SLC7A14: variants seen among roughly 807,000 people sequenced by gnomAD.
SLC7A14 encodes the protein gamma-aminobutyric acid transporter SLC7A14.
In SLC7A14, 37 loss-of-function variants were observed where a neutral mutation model predicts 60.2. That is an observed-to-expected ratio of 0.61 (90% confidence interval 0.47 to 0.81). The LOEUF (loss-of-function observed/expected upper bound fraction) is 0.81, where lower values mean the gene tolerates loss of function less well. SLC7A14 is among the 30% of genes least tolerant of loss of function. The pLI, the probability that SLC7A14 is intolerant of heterozygous loss-of-function variation, is 0.00. For synonymous variants in SLC7A14, 399 were observed against 395.8 expected (o/e 1.01, Z -0.10); for missense variants, 886 against 982.7 (o/e 0.90, Z 1.32).
intron 1 of SLC7A14, among the ~76,000 whole-genome samples, chr3:170,537,165 C>G (rs1368329706): frequency 6.6e-6 from 1 of 152,198 alleles, no homozygotes; most frequent in Non-Finnish European, 1.5e-5. Context: ...TTTTACAGCT[C>G]TGAGTCTGCA....
chr3:170,542,314 CTAAT>C (rs777502056), intron 1 of SLC7A14, among the ~76,000 whole-genome samples: 25 of 152,308 alleles, frequency 1.6e-4, no homozygotes, highest in Non-Finnish European at 3.1e-4. Flanking sequence ...CCAGAGGCAA[CTAAT>C]TGTGTTAATT....
chr3:170,519,330 C>T (rs1417694104), intron 2 of SLC7A14, among the ~76,000 whole-genome samples: 1 of 152,202 alleles, frequency 6.6e-6, no homozygotes, highest in Admixed American at 6.5e-5. Context: ...TCCTTTCCTT[C>T]CTATCAACAG....
At chr3:170,584,823 T>C (rs1374164415) in intron 1 of SLC7A14, among the ~76,000 whole-genome samples, 1 of 151,896 alleles carries the variant, frequency 6.6e-6, no homozygotes, top group Non-Finnish European at 1.5e-5. Flanking sequence ...CCTGCGGCCC[T>C]TGGGCAATTC....
chr3:170,468,799 G>A (rs915349046), intron 7 of SLC7A14, among the ~76,000 whole-genome samples: 62 of 152,178 alleles, frequency 4.1e-4, no homozygotes, highest in African/African-American at 1.5e-3. Flanking sequence ...AACGATGAGA[G>A]CTATAGCAAC....
At chr3:170,566,517 G>A (rs1211103793) in intron 1 of SLC7A14, among the ~76,000 whole-genome samples, 1 of 152,176 alleles carries the variant, frequency 6.6e-6, no homozygotes, top group Non-Finnish European at 1.5e-5. Flanking sequence ...TTAATCTCCT[G>A]ACTTGACTTT....
intron 3 of SLC7A14, among the ~76,000 whole-genome samples, chr3:170,500,468 G>A (rs1041165151): frequency 6.7e-6 from 1 of 149,124 alleles, no homozygotes; most frequent in African/African-American, 2.5e-5. Context: ...AAAAAAAGGA[G>A]TGGATGGCAA....
chr3:170,489,146 G>T (rs949487708), intron 4 of SLC7A14, among the ~76,000 whole-genome samples: 1 of 152,126 alleles, frequency 6.6e-6, no homozygotes, highest in Non-Finnish European at 1.5e-5. Context: ...CACAGCCAAG[G>T]ATACAACCAA....
Position 170,536,735 on chromosome 3 carries a change from G to GACTTTTTAATGCAACACTATA in SLC7A14, c.-152-9668_-152-9648dup, listed in dbSNP as rs1465881610. On this transcript the variant is annotated intron_variant, in intron 1 of 7. Coordinates refer to ENST00000231706, the MANE Select transcript of SLC7A14 (RefSeq NM_020949.3). ...TTCTCATTTAGAAAATGTTGATAGG[G>GACTTTTTAATGCAACACTATA]ACTTTTTAATGCAACACTATAGTTG... 1.2e-4 allele frequency among the ~76,000 whole-genome samples: 18 copies of GACTTTTTAATGCAACACTATA among 152,294 alleles called. No individual in the cohort carries two copies. In the East Asian group the frequency reaches 3.5e-3, roughly 29 times the overall value.
intron 6 of SLC7A14, among the ~76,000 whole-genome samples, chr3:170,481,659 C>A (rs1711828019): frequency 6.6e-6 from 1 of 152,172 alleles, no homozygotes; most frequent in African/African-American, 2.4e-5. Context: ...CTCAGCCTCC[C>A]AGAGTGTTGG....
chr3:170,577,434 A>C (rs534780205), intron 1 of SLC7A14, among the ~76,000 whole-genome samples: 2 of 151,254 alleles, frequency 1.3e-5, no homozygotes, highest in South Asian at 4.2e-4. Flanking sequence ...CTGGCTAACA[A>C]GGTGAAACCC....
chr3:170,563,496 C>T (rs563450125), intron 1 of SLC7A14, among the ~76,000 whole-genome samples: 2 of 148,982 alleles, frequency 1.3e-5, no homozygotes, highest in African/African-American at 4.9e-5. Flanking sequence ...CGGCTCACTG[C>T]AACCTCTGCC....
chr3:170,484,628 T>C (rs369846290), intron 5 of SLC7A14, among the ~76,000 whole-genome samples: 2 of 152,118 alleles, frequency 1.3e-5, no homozygotes, highest in African/African-American at 4.8e-5. Flanking sequence ...CCTATTCCTC[T>C]GGAGCCAAGA....
intron 2 of SLC7A14, among the ~76,000 whole-genome samples, chr3:170,521,988 T>C (rs1410279951): frequency 6.6e-6 from 1 of 151,654 alleles, no homozygotes. Flanking sequence ...GGAGAGCACA[T>C]GGATGACAAA....
At chr3:170,550,317 A>G (rs1023333633) in intron 1 of SLC7A14, among the ~76,000 whole-genome samples, 3 of 152,206 alleles carry the variant, frequency 2.0e-5, no homozygotes, top group African/African-American at 7.2e-5. Context: ...CTGTAAATGC[A>G]CAAGAATGAT....
At chr3:170,513,643 A>C (rs1329768912) in intron 2 of SLC7A14, among the ~76,000 whole-genome samples, 1 of 152,244 alleles carries the variant, frequency 6.6e-6, no homozygotes, top group Non-Finnish European at 1.5e-5. Flanking sequence ...CATGTTAGCA[A>C]ATAATTGCTT....
intron 1 of SLC7A14, among the ~76,000 whole-genome samples, chr3:170,581,974 G>C (rs1401904739): frequency 1.3e-5 from 2 of 152,088 alleles, no homozygotes; most frequent in Admixed American, 6.5e-5. Context: ...TATAAACTTG[G>C]ATTTTGAATT....
rs758266295 is a variant in SLC7A14, at chr3:170,483,403, C to T, written c.1026G>A (p.Ser342=). Residue 342 remains serine, a synonymous_variant, in exon 6 of 8, where the codon TCG becomes TCA. Transcript: ENST00000231706. Reference sequence around the variant, plus strand: ...GCAAGCTGACTGTCAGTCCTGCAACCGACCCAATGGCCACTACGAATTTGG... The same window carrying T: ...GCAAGCTGACTGTCAGTCCTGCAACTGACCCAATGGCCACTACGAATTTGG... ...YAAKFVVAIG[S]VAGLTVSLLG... is the part of the protein sequence containing the mutation. The T allele has an allele frequency of 2.6e-5, 42 of 1,614,078 alleles. No individual in the cohort carries two copies. Among genetic ancestry groups the T allele is most frequent in the Middle Eastern group, 1.6e-4 (1 of 6,084 alleles).
chr3:170,475,861 C>T (rs1056541536), intron 7 of SLC7A14, among the ~76,000 whole-genome samples: 7 of 152,042 alleles, frequency 4.6e-5, no homozygotes, highest in African/African-American at 7.2e-5. Context: ...TACAGGTGCC[C>T]GCCACCACGC....
intron 1 of SLC7A14, among the ~76,000 whole-genome samples, chr3:170,554,363 T>A (rs566405882): frequency 6.6e-6 from 1 of 152,204 alleles, no homozygotes; most frequent in Non-Finnish European, 1.5e-5. Context: ...GGAGAAATAG[T>A]TCTTGTAGGA....
Sources: allele counts gnomAD v4.1 joint callset (sites outside exome capture counted in the v4.1 genomes callset), GRCh38; gene constraint gnomAD v4.1.1; transcripts MANE v1.5; gene names NCBI Gene and HGNC (gene_info 2026-07-23, HGNC 2026-07-21).